IL1RAPL1: variants seen among roughly 807,000 people sequenced by gnomAD.
IL1RAPL1 encodes the protein interleukin-1 receptor accessory protein-like 1.
In IL1RAPL1, 3 loss-of-function variants were observed where a neutral mutation model predicts 48.4. That is an observed-to-expected ratio of 0.06 (90% CI 0.03 to 0.16). The LOEUF is 0.16. Ranked by LOEUF, IL1RAPL1 falls within the 10% of genes least tolerant of loss-of-function variation. The pLI is 1.00. For synonymous variants in IL1RAPL1, 185 were observed against 187.7 expected, an observed-to-expected ratio of 0.99 and a Z score of 0.12; for missense variants, 349 against 530.6, an observed-to-expected ratio of 0.66 and a Z score of 3.36.
chrX:29,269,622 CTTT>C (rs769725561), intron 2 of IL1RAPL1, among the ~76,000 whole-genome samples: 1 of 97,023 alleles, frequency 1.0e-5, no homozygotes, highest in Non-Finnish European at 2.1e-5. Flanking sequence ...AGGCAACCTT[CTTT>C]TTTTTTTTTT....
At chrX:29,448,708 T>G (rs1490343534) in intron 5 of IL1RAPL1, among the ~76,000 whole-genome samples, 1 of 111,860 alleles carries the variant, frequency 8.9e-6, no homozygotes, top group Non-Finnish European at 1.9e-5. Context: ...GTATAGAACT[T>G]GTCATTTACA....
At chrX:29,110,716 G>C (rs1329792796) in intron 2 of IL1RAPL1, among the ~76,000 whole-genome samples, 1 of 111,606 alleles carries the variant, frequency 9.0e-6, no homozygotes, top group Non-Finnish European at 1.9e-5. Context: ...CGAATGTAAC[G>C]CACATATGGG....
At chrX:29,149,705 T>G (rs1929422024) in intron 2 of IL1RAPL1, among the ~76,000 whole-genome samples, 1 of 112,047 alleles carries the variant, frequency 8.9e-6, no homozygotes, top group Non-Finnish European at 1.9e-5. Context: ...AACTTGAAAC[T>G]ATCTTGAAAT....
chrX:29,241,899 C>G (rs1324277800), intron 2 of IL1RAPL1, among the ~76,000 whole-genome samples: 1 of 111,723 alleles, frequency 9.0e-6, no homozygotes, highest in Non-Finnish European at 1.9e-5. Context: ...GATAAACGAT[C>G]CCACAAGGTG....
chrX:29,490,216 A>T lies in IL1RAPL1; in HGVS notation c.703+90908A>T, dbSNP rs190016992. Among the ~76,000 whole-genome samples the T allele has an allele frequency of 2.0e-3, 220 of 109,273 alleles. 2 individuals carry two copies. Among genetic ancestry groups the T allele is most frequent in the African/African-American group, 6.7e-3 (202 of 30,130 alleles). 94.9% of individuals were successfully genotyped at this position (109,273 alleles called of 115,157 possible). On this transcript the variant is annotated intron_variant, in intron 5 of 10. Transcript: ENST00000378993. ...ATATATTAAAATAAAATTAAAATTT[A>T]AAAAAAAAGCCATAAAAAGGTAATT...
intron 5 of IL1RAPL1, among the ~76,000 whole-genome samples, chrX:29,588,316 C>T (rs933391224): frequency 8.9e-6 from 1 of 112,168 alleles, no homozygotes; most frequent in Non-Finnish European, 1.9e-5. Flanking sequence ...ATGGATAAGG[C>T]TTTCCTTGAA....
rs1280002777 is a variant in IL1RAPL1 at position 29,817,039 on chromosome X, A to G, written c.779-100425A>G. ...CCTTTAGCTCTAGGTTTCAATATTC[A>G]TTCCCAATATAGCAGGCAAACTTTT... On this transcript the variant is annotated intron_variant, in intron 6 of 10. Coordinates refer to ENST00000378993, the MANE Select transcript of IL1RAPL1 (RefSeq NM_014271.4). Among the ~76,000 whole-genome samples, 6 of 109,906 alleles carry G rather than the reference A, an allele frequency of 5.5e-5. No individual in the cohort carries two copies. In the Admixed American group the frequency reaches 5.9e-4, roughly 11 times the overall value.
Position 29,399,263 on chromosome X carries a change from T to C in IL1RAPL1, c.658T>C (p.Tyr220His), listed in dbSNP as rs764478619. 1 of 1,203,196 alleles carries C rather than the reference T, an allele frequency of 8.3e-7. No individual in the cohort carries two copies. The highest frequency in any genetic ancestry group is 1.1e-6 in the Non-Finnish European group (1 of 887,827). ...TGGAAATTATACCTGTGAATTAAAATATGGAGGCTTTGTTGTGAGAAGAAC... is the reference window on the plus strand; with the variant it reads ...TGGAAATTATACCTGTGAATTAAAACATGGAGGCTTTGTTGTGAGAAGAAC... ...DIGNYTCELK[Y>H]GGFVVRRTTE... Residue 220 changes from tyrosine to histidine, a missense_variant, in exon 5 of 11, where the codon TAT becomes CAT. Tyr to His is a moderately conservative substitution (Grantham distance 83). Transcript: ENST00000378993.
chrX:29,176,433 C>A (rs939836709), intron 2 of IL1RAPL1, among the ~76,000 whole-genome samples: 23 of 109,609 alleles, frequency 2.1e-4, no homozygotes, highest in African/African-American at 7.7e-4. Context: ...CTAGGAACCA[C>A]ACTTTGAGAA....
intron 9 of IL1RAPL1, 49 bp downstream of exon 9, chrX:29,941,843 T>C: frequency 2.6e-6 from 3 of 1,153,370 alleles, no homozygotes; most frequent in Non-Finnish European, 3.5e-6. Context: ...CTAATTTCTT[T>C]CTTGTCTTTG....
At chrX:29,214,053 C>T (rs1327452132) in intron 2 of IL1RAPL1, among the ~76,000 whole-genome samples, 1 of 110,373 alleles carries the variant, frequency 9.1e-6, no homozygotes, top group Non-Finnish European at 1.9e-5. Flanking sequence ...AGTAAGAAGC[C>T]CAGTGATGTC....
chrX:28,830,361 AT>A (rs1182003045), intron 2 of IL1RAPL1, among the ~76,000 whole-genome samples: 2 of 111,897 alleles, frequency 1.8e-5, no homozygotes, highest in Admixed American at 1.9e-4. Flanking sequence ...TTCAGACTGA[AT>A]AAGTTGAATT....
chrX:29,150,317 T>C (rs921218756), intron 2 of IL1RAPL1, among the ~76,000 whole-genome samples: 11 of 112,025 alleles, frequency 9.8e-5, no homozygotes, highest in Non-Finnish European at 1.9e-4. Context: ...TTGTTCCTCT[T>C]GAGCTTTGCA....
intron 6 of IL1RAPL1, among the ~76,000 whole-genome samples, chrX:29,784,767 A>G (rs1474979341): frequency 9.0e-6 from 1 of 111,002 alleles, no homozygotes; most frequent in Non-Finnish European, 1.9e-5. Flanking sequence ...ATTCTTCCCT[A>G]CATGTGCTCT....
At chrX:29,423,023 C>T (rs1212495165) in intron 5 of IL1RAPL1, among the ~76,000 whole-genome samples, 2 of 111,806 alleles carry the variant, frequency 1.8e-5, no homozygotes, top group African/African-American at 3.3e-5. Context: ...CAGAACTAGA[C>T]TCTTTAAGCC....
chrX:29,802,961 A>ATATT (rs1248381598), intron 6 of IL1RAPL1, among the ~76,000 whole-genome samples: 5 of 87,343 alleles, frequency 5.7e-5, no homozygotes, highest in African/African-American at 2.3e-4. Flanking sequence ...ATATGTATAC[A>ATATT]TGTGTACATA....
chrX:29,725,580 G>A (rs1481084904), intron 6 of IL1RAPL1, among the ~76,000 whole-genome samples: 1 of 111,359 alleles, frequency 9.0e-6, no homozygotes, highest in Non-Finnish European at 1.9e-5. Context: ...AGTCTCTGCT[G>A]TTTCCCATTC....
At chrX:29,350,969 TTAAG>T (rs1232960802) in intron 3 of IL1RAPL1, among the ~76,000 whole-genome samples, 1 of 111,513 alleles carries the variant, frequency 9.0e-6, no homozygotes, top group Non-Finnish European at 1.9e-5. Flanking sequence ...ATAGATGACA[TTAAG>T]TGAGGACTTA....
At chrX:28,760,980 G>A (rs12836186) in intron 1 of IL1RAPL1, among the ~76,000 whole-genome samples, 50,229 of 107,124 alleles carry the variant, frequency 0.47, 8,801 homozygotes, top group Middle Eastern at 0.62. Context: ...CAGCTACTTA[G>A]GAGGCTGAGG....
Sources: allele counts gnomAD v4.1 joint callset (sites outside exome capture counted in the v4.1 genomes callset), GRCh38; gene constraint gnomAD v4.1.1; transcripts MANE v1.5; gene names NCBI Gene and HGNC (gene_info 2026-07-23, HGNC 2026-07-21).